Variants in HOMER2 observed in about 807,000 individuals in gnomAD.
HOMER2 encodes the protein homer scaffold protein 2.
Under a neutral mutation model 47.0 loss-of-function variants are expected in HOMER2, and 27 were observed. The observed-to-expected ratio is 0.57, with a 90% CI of 0.42 to 0.79. The LOEUF is 0.79. Ranked by LOEUF, HOMER2 falls within the 30% of genes least tolerant of loss-of-function variation. The pLI is 0.00. For synonymous variants in HOMER2, 161 were observed against 163.8 expected (o/e 0.98, Z 0.13); for missense variants, 443 against 435.0 (o/e 1.02, Z -0.16).
At chr15:82,975,216 G>T (rs957944129) in intron 1 of HOMER2, among the ~76,000 whole-genome samples, 2 of 152,200 alleles carry the variant, frequency 1.3e-5, no homozygotes, top group African/African-American at 4.8e-5. Flanking sequence ...GGCAATAAAT[G>T]CTGGTGAGGA....
At chr15:82,851,108 C>T (rs185491826) in intron 8 of HOMER2, 43 bp downstream of exon 8, 6 of 1,283,040 alleles carry the variant, frequency 4.7e-6, no homozygotes, top group African/African-American at 1.5e-5. Flanking sequence ...ACATTTGTGC[C>T]TTCTTGTCTG....
chr15:82,961,369 G>C (rs2054629041), intron 1 of HOMER2, among the ~76,000 whole-genome samples: 1 of 152,252 alleles, frequency 6.6e-6, no homozygotes, highest in South Asian at 2.1e-4. Context: ...CTCTGTGACA[G>C]ACCCCTCCTT....
chr15:82,922,687 C>T (rs945451025), intron 1 of HOMER2, among the ~76,000 whole-genome samples: 1 of 152,096 alleles, frequency 6.6e-6, no homozygotes, highest in African/African-American at 2.4e-5. Context: ...TCCATTCAAA[C>T]CAACCACAGG....
chr15:82,897,641 C>T (rs1216335202), intron 1 of HOMER2, among the ~76,000 whole-genome samples: 1 of 152,188 alleles, frequency 6.6e-6, no homozygotes, highest in Non-Finnish European at 1.5e-5. Flanking sequence ...ATCAGACTCT[C>T]TCAATAAATT....
intron 6 of HOMER2, among the ~76,000 whole-genome samples, chr15:82,854,360 C>T (rs899462435): frequency 3.3e-5 from 5 of 152,028 alleles, no homozygotes; most frequent in Non-Finnish European, 4.4e-5. Flanking sequence ...GCACTGAGAT[C>T]GTGCCACTGC....
chr15:82,952,557 C>G lies in HOMER2; in HGVS notation c.-22G>C, dbSNP rs1044845420. On this transcript the variant is annotated 5_prime_UTR_variant, in exon 1 of 9. Transcript: ENST00000450735. ...CCATCTCCGGCGCTGCTCCGGCGGC[C>G]GCTCCGACGGGGCCTCTCGCGCTCG... 3 of 1,174,690 alleles carry G rather than the reference C, an allele frequency of 2.6e-6. No individual in the cohort carries two copies. Among genetic ancestry groups the G allele is most frequent in the Admixed American group, 4.6e-5 (1 of 21,582 alleles). 72.8% of individuals were successfully genotyped at this position (1,174,690 alleles called of 1,614,324 possible).
At chr15:82,855,756 C>T (rs1169218370) in intron 5 of HOMER2, among the ~76,000 whole-genome samples, 1 of 152,208 alleles carries the variant, frequency 6.6e-6, no homozygotes, top group Non-Finnish European at 1.5e-5. Flanking sequence ...CTGAGGGACA[C>T]CTCTGCTGTC....
chr15:82,972,724 G>C (rs1350887208), intron 1 of HOMER2, among the ~76,000 whole-genome samples: 1 of 152,194 alleles, frequency 6.6e-6, no homozygotes, highest in Non-Finnish European at 1.5e-5. Context: ...CACTGCAGTA[G>C]AGGTACAAGA....
At chr15:82,923,946 G>A (rs2053795503) in intron 1 of HOMER2, among the ~76,000 whole-genome samples, 1 of 152,150 alleles carries the variant, frequency 6.6e-6, no homozygotes, top group Admixed American at 6.5e-5. Context: ...TACGTGCCGT[G>A]TCTCAGCCAG....
At chr15:82,972,075 C>G (rs573141090) in intron 1 of HOMER2, among the ~76,000 whole-genome samples, 2 of 152,280 alleles carry the variant, frequency 1.3e-5, no homozygotes, top group Admixed American at 6.5e-5. Flanking sequence ...AAAATTCACC[C>G]ATTGTAAGTG....
At chr15:82,851,986 A>G (rs1404090199) in intron 7 of HOMER2, among the ~76,000 whole-genome samples, 156 bp downstream of exon 7, 1 of 152,222 alleles carries the variant, frequency 6.6e-6, no homozygotes, top group Non-Finnish European at 1.5e-5. Context: ...CCTTTGCTCC[A>G]GCCTGTCTGC....
chr15:82,872,480 G>A (rs1476429335), intron 3 of HOMER2, among the ~76,000 whole-genome samples: 2 of 152,134 alleles, frequency 1.3e-5, no homozygotes, highest in African/African-American at 2.4e-5. Context: ...CTGACTTGCT[G>A]CCAGAAAAAA....
chr15:82,854,565 G>C, intron 6 of HOMER2, 79 bp downstream of exon 6: 1 of 1,457,844 alleles, frequency 6.9e-7, no homozygotes, highest in Non-Finnish European at 9.2e-7. Context: ...TGGGGAGGGA[G>C]AAAAAGGGTT....
intron 1 of HOMER2, among the ~76,000 whole-genome samples, chr15:82,966,967 G>T (rs2151254879): frequency 6.6e-6 from 1 of 152,310 alleles, no homozygotes; most frequent in Admixed American, 6.5e-5. Context: ...CTCTAAAAAG[G>T]ATGTTTGTGG....
chr15:82,942,160 C>G (rs533392949), intron 1 of HOMER2, among the ~76,000 whole-genome samples: 3 of 152,336 alleles, frequency 2.0e-5, no homozygotes, highest in South Asian at 2.1e-4. Flanking sequence ...AAGCATCTAT[C>G]TACGTTCATA....
At chr15:82,925,331 C>T (rs1301552920) in intron 1 of HOMER2, among the ~76,000 whole-genome samples, 1 of 152,174 alleles carries the variant, frequency 6.6e-6, no homozygotes, top group Non-Finnish European at 1.5e-5. Context: ...GACCTGGTGC[C>T]TCAACAGCCA....
At position 82,913,126 on chromosome 15, in the gene HOMER2, T is replaced by G. The variant is rs998094258; in HGVS notation, c.6-20285A>C. On this transcript the variant is annotated intron_variant, in intron 1 of 8. Transcript: ENST00000450735. The surrounding 1 kb of genome is among the most constrained non-coding windows in gnomAD (Gnocchi z 4.1). ...TGGAAGTTACAAGCAAACCTGCAGATAGTGGGCAGGCCATATTTCAAAGAC... is the reference window on the plus strand; with the variant it reads ...TGGAAGTTACAAGCAAACCTGCAGAGAGTGGGCAGGCCATATTTCAAAGAC... 3.9e-5 allele frequency among the ~76,000 whole-genome samples: 6 copies of G among 152,170 alleles called. No homozygotes were observed. The highest frequency in any genetic ancestry group is 1.4e-4 in the African/African-American group (6 of 41,432).
chr15:82,931,489 A>C (rs903315752), intron 1 of HOMER2, among the ~76,000 whole-genome samples: 4 of 151,352 alleles, frequency 2.6e-5, no homozygotes, highest in African/African-American at 7.3e-5. Context: ...TGGGATTCCA[A>C]TTCCAGTTTT....
intron 1 of HOMER2, among the ~76,000 whole-genome samples, chr15:82,940,856 T>C (rs2054250699): frequency 6.6e-6 from 1 of 151,622 alleles, no homozygotes; most frequent in South Asian, 2.1e-4. Context: ...TGCACTGCAC[T>C]GGAGTGTACT....
Sources: allele counts gnomAD v4.1 joint callset (sites outside exome capture counted in the v4.1 genomes callset), GRCh38; gene constraint gnomAD v4.1.1; non-coding constraint Gnocchi (gnomAD v3.1); transcripts MANE v1.5; gene names NCBI Gene and HGNC (gene_info 2026-07-23, HGNC 2026-07-21).